The following MIER2 variants were observed in gnomAD, a reference collection of about 807,000 sequenced individuals.
MIER2 encodes mesoderm induction early response protein 2.
In MIER2, 30 loss-of-function variants were observed where a neutral mutation model predicts 67.6. That is an observed-to-expected ratio of 0.44 (90% confidence interval 0.33 to 0.60). The LOEUF (loss-of-function observed/expected upper bound fraction) is 0.60. MIER2 is among the 20% of genes least tolerant of loss of function. The probability of loss-of-function intolerance (pLI) is 0.02; values close to 1 mark genes in which losing one functional copy is unlikely to be tolerated. For synonymous variants in MIER2, 372 were observed against 312.6 expected (o/e 1.19, Z -2.00); for missense variants, 702 against 745.1 (o/e 0.94, Z 0.67).
Position 308,771 on chromosome 19 carries a change from G to T in MIER2, c.1109+30C>A. On this transcript the variant is annotated intron_variant, in intron 11 of 13. Coordinates refer to ENST00000264819, the MANE Select transcript of MIER2 (RefSeq NM_017550.3). This position sits in a 1 kb window ranked among gnomAD's most constrained non-coding sequence, Gnocchi z 9.1. ...CCCACCCCCGGCGGGGTGGCCGCCTGTCGTTACTGCTGGGGAGGGCTGCAC... is the reference window on the plus strand; with the variant it reads ...CCCACCCCCGGCGGGGTGGCCGCCTTTCGTTACTGCTGGGGAGGGCTGCAC... 2 of 1,595,438 alleles carry T rather than the reference G, an allele frequency of 1.3e-6. No homozygotes were observed. Among genetic ancestry groups the T allele is most frequent in the South Asian group, 1.1e-5 (1 of 90,588 alleles).
chr19:316,196 G>C (rs768652923), intron 7 of MIER2, among the ~76,000 whole-genome samples: 1 of 152,204 alleles, frequency 6.6e-6, no homozygotes, highest in Non-Finnish European at 1.5e-5. Flanking sequence ...CCGGCTGAAG[G>C]AAATGATTCC....
At chr19:334,026 T>C (rs533486411) in intron 3 of MIER2, 12 of 190,276 alleles carry the variant, frequency 6.3e-5, no homozygotes, top group Admixed American at 5.6e-4. Context: ...GGTTTCACCA[T>C]GTTGGCCAAG....
intron 12 of MIER2, among the ~76,000 whole-genome samples, chr19:307,967 C>T (rs924171329): frequency 6.9e-6 from 1 of 144,194 alleles, no homozygotes; most frequent in Non-Finnish European, 1.5e-5. Flanking sequence ...AGGAAGTAGC[C>T]GAGGTGGACA....
At chr19:328,770 C>T (rs1412004614) in intron 3 of MIER2, among the ~76,000 whole-genome samples, 1 of 152,058 alleles carries the variant, frequency 6.6e-6, no homozygotes, top group Non-Finnish European at 1.5e-5. Flanking sequence ...AAGAAGAAAA[C>T]TATGTAAACG....
At chr19:334,239 G>A (rs1002132118) in intron 3 of MIER2, 161 bp downstream of exon 3, 2 of 997,442 alleles carry the variant, frequency 2.0e-6, no homozygotes, top group Non-Finnish European at 3.0e-6. Context: ...TGAAAGACCT[G>A]GTCTCCACTG....
rs749398891 is a variant in MIER2, at chr19:334,395, A to C, written c.243+5T>G. On this transcript the variant is annotated splice_donor_5th_base_variant and intron_variant, in intron 3 of 13. Transcript: ENST00000264819. ...CACAGGGGCAGGATCACCTTGGCCA[A>C]GTACCTGGGAGATGAAGTCCTTCTC... 1 of 1,614,040 alleles carries C rather than the reference A, an allele frequency of 6.2e-7. No individual in the cohort carries two copies. The highest frequency in any genetic ancestry group is 8.5e-7 in the Non-Finnish European group (1 of 1,179,946).
At chr19:343,014 C>G (rs1184829665) in intron 1 of MIER2, among the ~76,000 whole-genome samples, 1 of 152,190 alleles carries the variant, frequency 6.6e-6, no homozygotes, top group African/African-American at 2.4e-5. Context: ...TGACCAGACT[C>G]TGCATCCCTG....
intron 10 of MIER2, among the ~76,000 whole-genome samples, chr19:310,447 C>T (rs1870848374): frequency 1.3e-5 from 2 of 151,044 alleles, no homozygotes; most frequent in Non-Finnish European, 2.9e-5. Context: ...TGGCTACACA[C>T]GGCCCCTCGC....
Position 306,546 on chromosome 19 carries a change from C to A in MIER2, c.*144G>T. ...AGGGCTCACGGCCCAGCCACCTCACCCCAGTCCTGACGTGTTCTGAAGCAG... is the reference window on the plus strand; with the variant it reads ...AGGGCTCACGGCCCAGCCACCTCACACCAGTCCTGACGTGTTCTGAAGCAG... On this transcript the variant is annotated 3_prime_UTR_variant, in exon 14 of 14. Coordinates refer to ENST00000264819, the MANE Select transcript of MIER2 (RefSeq NM_017550.3). The A allele has an allele frequency of 8.8e-7, 1 of 1,131,728 alleles. No homozygotes were observed. The highest frequency in any genetic ancestry group is 1.3e-6 in the Non-Finnish European group (1 of 784,838). The allele number at this position is 1,131,728 out of a possible 1,614,324, so 70.1% of individuals were successfully genotyped here. A position where few individuals can be genotyped will look rare whatever the true frequency, so the allele number is the denominator to read the frequency against.
intron 2 of MIER2, among the ~76,000 whole-genome samples, chr19:335,180 C>G (rs1228818002): frequency 6.6e-6 from 1 of 151,222 alleles, no homozygotes; most frequent in Non-Finnish European, 1.5e-5. Context: ...TTTAAACAAA[C>G]AAAGGAAATA....
intron 7 of MIER2, among the ~76,000 whole-genome samples, chr19:319,248 G>C (rs1339100382): frequency 4.0e-5 from 6 of 151,848 alleles, no homozygotes; most frequent in African/African-American, 1.2e-4. Context: ...TGTAGTCCCA[G>C]CTACTCAGGA....
At chr19:336,208 G>C in intron 1 of MIER2, 35 bp from the exon 2 acceptor site, 2 of 1,560,240 alleles carry the variant, frequency 1.3e-6, no homozygotes, top group Non-Finnish European at 1.8e-6. Flanking sequence ...AGCTCGGCCG[G>C]CCCAAAACCT....
chr19:315,343 C>T (rs1381537776), intron 7 of MIER2, among the ~76,000 whole-genome samples: 1 of 152,180 alleles, frequency 6.6e-6, no homozygotes, highest in Non-Finnish European at 1.5e-5. Context: ...CCAGCCTGGG[C>T]GAGAAGAGCG....
chr19:321,585 G>A (rs935430141), intron 7 of MIER2, among the ~76,000 whole-genome samples: 18 of 152,102 alleles, frequency 1.2e-4, no homozygotes, highest in African/African-American at 4.1e-4. Context: ...CGGAGGTTGT[G>A]GTGAGCTGAG....
In MIER2 at chr19:312,178, G is replaced by C. The variant is rs1156778306; in HGVS notation, c.889+13C>G. The C allele has an allele frequency of 6.4e-7, 1 of 1,561,824 alleles. No homozygotes were observed. The highest frequency in any genetic ancestry group is 8.7e-7 in the Non-Finnish European group (1 of 1,150,358). ...GGGGCCGCAGCGGAAGGAAGGCCCA[G>C]ACCGCTGCTCACCTCGGATCACCTT... On this transcript the variant is annotated intron_variant, in intron 9 of 13. Coordinates refer to ENST00000264819, the MANE Select transcript of MIER2 (RefSeq NM_017550.3).
rs756550626 is a variant in MIER2 at position 334,538 on chromosome 19, C to T, written c.105G>A (p.Val35=). Residue 35 remains valine, a synonymous_variant, in exon 3 of 14, where the codon GTG becomes GTA. Coordinates refer to ENST00000264819, the MANE Select transcript of MIER2 (RefSeq NM_017550.3). The part of the protein sequence containing the change: ...GEPGLQTTAV[V]SMGSGDHQFN... ...ACTGATGGTCTCCAGAGCCCATGGACACCACTGGGGAGAAGAGAGCAGCCC... is the reference window on the plus strand; with the variant it reads ...ACTGATGGTCTCCAGAGCCCATGGATACCACTGGGGAGAAGAGAGCAGCCC... 3 of 1,613,732 alleles carry T rather than the reference C, an allele frequency of 1.9e-6. No homozygotes were observed. Among genetic ancestry groups the T allele is most frequent in the Admixed American group, 1.7e-5 (1 of 60,012 alleles).
At chr19:314,063 G>A (rs183421901) in intron 7 of MIER2, among the ~76,000 whole-genome samples, 144 of 152,298 alleles carry the variant, frequency 9.5e-4, no homozygotes, top group African/African-American at 3.4e-3. Context: ...CAGCTACAAG[G>A]GCACCTGAAA....
chr19:339,637 G>A (rs1226702595), intron 1 of MIER2, among the ~76,000 whole-genome samples: 4 of 152,192 alleles, frequency 2.6e-5, no homozygotes, highest in Non-Finnish European at 4.4e-5. Context: ...CACTAGCAAC[G>A]GGGCAAAGAA....
rs916344202 is a variant in MIER2 at position 310,497 on chromosome 19, C to T, written c.984+1348G>A. ...CTGCCCGGAGCTCCAGAAACACGGC[C>T]GGGAGTTACAAAAACGCGGCCCTGA... On this transcript the variant is annotated intron_variant, in intron 10 of 13. Coordinates refer to ENST00000264819, the MANE Select transcript of MIER2 (RefSeq NM_017550.3). Among the ~76,000 whole-genome samples, 13 of 90,158 alleles carry T rather than the reference C, an allele frequency of 1.4e-4. 1 individual carries two copies. In the South Asian group the frequency reaches 4.5e-3, roughly 31 times the overall value. 59.1% of individuals were successfully genotyped at this position (90,158 alleles called of 152,430 possible). A position where few individuals can be genotyped will look rare whatever the true frequency, so the allele number is the denominator to read the frequency against.
Sources: allele counts gnomAD v4.1 joint callset (sites outside exome capture counted in the v4.1 genomes callset), GRCh38; gene constraint gnomAD v4.1.1; non-coding constraint Gnocchi (gnomAD v3.1); transcripts MANE v1.5; gene names NCBI Gene and HGNC (gene_info 2026-07-23, HGNC 2026-07-21).